FERMT2: variants seen among roughly 807,000 people sequenced by gnomAD.
FERMT2 encodes the protein FERM domain containing kindlin 2.
FERMT2 carries 15 observed loss-of-function variants against 82.7 expected under a neutral mutation model. That is an observed-to-expected ratio of 0.18 (90% CI 0.12 to 0.28). The LOEUF is 0.28. FERMT2 is among the 10% of genes least tolerant of loss of function. The pLI is 1.00. For synonymous variants in FERMT2, 274 were observed against 271.5 expected, an observed-to-expected ratio of 1.01 and a Z score of -0.09; for missense variants, 645 against 809.4, an observed-to-expected ratio of 0.80 and a Z score of 2.46.
chr14:52,863,987 A>G (rs1234381724), intron 12 of FERMT2, among the ~76,000 whole-genome samples: 1 of 151,250 alleles, frequency 6.6e-6, no homozygotes, highest in Non-Finnish European at 1.5e-5. Context: ...TATCTGTTCT[A>G]TTAAAATGAT....
chr14:52,890,171 G>A (rs1272502226), intron 4 of FERMT2, among the ~76,000 whole-genome samples: 18 of 151,304 alleles, frequency 1.2e-4, no homozygotes, highest in African/African-American at 3.9e-4. Context: ...GGTGGCTCAC[G>A]CCTGTAATCC....
chr14:52,893,910 C>T (rs2139549690), intron 3 of FERMT2, among the ~76,000 whole-genome samples: 1 of 151,836 alleles, frequency 6.6e-6, no homozygotes, highest in African/African-American at 2.4e-5. Context: ...CTCGCCACAA[C>T]CTCCACCTCC....
intron 7 of FERMT2, among the ~76,000 whole-genome samples, chr14:52,876,007 ATAGT>A (rs1182844403): frequency 2.6e-5 from 4 of 152,192 alleles, no homozygotes; most frequent in Non-Finnish European, 4.4e-5. Context: ...TGGATACAGA[ATAGT>A]TACTGATTTT....
chr14:52,938,725 C>G (rs1889960590), intron 2 of FERMT2, among the ~76,000 whole-genome samples: 1 of 152,100 alleles, frequency 6.6e-6, no homozygotes, highest in Non-Finnish European at 1.5e-5. Flanking sequence ...AACCACCACA[C>G]CCAGCTAATT....
chr14:52,917,715 T>A (rs138202009), intron 3 of FERMT2, among the ~76,000 whole-genome samples: 2,825 of 151,922 alleles, frequency 0.019, 57 homozygotes, highest in Non-Finnish European at 0.023. Context: ...AGTAAGAGGG[T>A]AAATAATGAG....
intron 10 of FERMT2, among the ~76,000 whole-genome samples, chr14:52,865,704 G>A (rs1246963014): frequency 2.0e-5 from 3 of 152,116 alleles, no homozygotes; most frequent in Non-Finnish European, 4.4e-5. Context: ...ATTGTTAGTA[G>A]GGCTTGCTTT....
intron 2 of FERMT2, among the ~76,000 whole-genome samples, chr14:52,939,359 T>A (rs113848408): frequency 0.018 from 2,497 of 135,898 alleles, 61 homozygotes; most frequent in African/African-American, 0.063. Flanking sequence ...GGCGACAGAG[T>A]GAGACTACGG....
At chr14:52,877,693 T>G (rs918213959) in intron 7 of FERMT2, among the ~76,000 whole-genome samples, 1 of 145,180 alleles carries the variant, frequency 6.9e-6, no homozygotes, top group African/African-American at 2.5e-5. Flanking sequence ...TTTGGAAGAC[T>G]GAGAGCATTT....
intron 2 of FERMT2, among the ~76,000 whole-genome samples, chr14:52,925,652 C>A (rs1000705244): frequency 1.3e-5 from 2 of 148,796 alleles, no homozygotes; most frequent in South Asian, 2.1e-4. Context: ...ACTCTTTTTT[C>A]GTTTGAGATG....
At chr14:52,868,633 T>C (rs1885432875) in intron 10 of FERMT2, among the ~76,000 whole-genome samples, 1 of 152,154 alleles carries the variant, frequency 6.6e-6, no homozygotes, top group Non-Finnish European at 1.5e-5. Flanking sequence ...GCATCCAGTC[T>C]AACACTCTCA....
chr14:52,909,730 G>C (rs1452266409), intron 3 of FERMT2, among the ~76,000 whole-genome samples: 1 of 152,054 alleles, frequency 6.6e-6, no homozygotes, highest in Non-Finnish European at 1.5e-5. Flanking sequence ...GGAGGCTGCA[G>C]TACAAAAAAG....
intron 2 of FERMT2, 65 bp from the exon 3 acceptor site, chr14:52,919,421 G>T: frequency 8.5e-7 from 1 of 1,183,058 alleles, no homozygotes; most frequent in Non-Finnish European, 1.2e-6. Flanking sequence ...GAAATTAAAA[G>T]CAGAAAACTA....
chr14:52,859,773 CTT>C (rs1884789161), intron 13 of FERMT2, 59 bp from the exon 14 acceptor site: 2 of 1,054,186 alleles, frequency 1.9e-6, no homozygotes, highest in Non-Finnish European at 2.7e-6. Flanking sequence ...TGTTGGACTG[CTT>C]TTCTTCAAGA....
intron 2 of FERMT2, among the ~76,000 whole-genome samples, chr14:52,945,314 G>C (rs763880209): frequency 6.6e-6 from 1 of 151,584 alleles, no homozygotes; most frequent in Admixed American, 6.6e-5. Context: ...GCAGTGGTGT[G>C]ATCTCAGCTC....
At chr14:52,928,540 A>G (rs931971299) in intron 2 of FERMT2, 3 of 152,282 alleles carry the variant, frequency 2.0e-5, no homozygotes, top group African/African-American at 7.2e-5. Flanking sequence ...TTTTCAGGCT[A>G]CTTGCTCATA....
At chr14:52,937,525 G>T (rs764174115) in intron 2 of FERMT2, among the ~76,000 whole-genome samples, 3 of 152,096 alleles carry the variant, frequency 2.0e-5, no homozygotes, top group South Asian at 4.1e-4. Flanking sequence ...CTGTCTTCCT[G>T]TATTCAAGGG....
At chr14:52,892,330 T>G (rs962386024) in intron 4 of FERMT2, among the ~76,000 whole-genome samples, 2 of 151,918 alleles carry the variant, frequency 1.3e-5, no homozygotes, top group South Asian at 2.1e-4. Context: ...TTAGTCAAGA[T>G]GGGGTTTCAC....
Position 52,864,784 on chromosome 14 carries a change from G to A in FERMT2, c.1343C>T (p.Ala448Val), listed in dbSNP as rs529341876. Reference protein sequence around the residue: ...KFNIKLLIPVAEGMNEIWLRC... With the variant: ...KFNIKLLIPVVEGMNEIWLRC... ...AAGCCAGATTTCATTCATGCCTTCT[G>A]CAACTGGAATCAGGAGTTTAATGTT... The change falls in exon 11 of 15, where the codon GCA becomes GTA. Residue 448 changes from alanine to valine, a missense_variant. Ala to Val is a moderately conservative substitution (Grantham distance 64). Transcript: ENST00000341590. 13 of 1,612,650 alleles carry A rather than the reference G, an allele frequency of 8.1e-6. No homozygotes were observed. In the South Asian group the frequency reaches 1.3e-4, roughly 16 times the overall value.
rs111655300 is a variant in FERMT2 at position 52,909,533 on chromosome 14, A to C, written c.391+9590T>G. Among the ~76,000 whole-genome samples, 799 of 152,332 alleles carry C rather than the reference A, an allele frequency of 5.2e-3. 8 individuals carry two copies. Among genetic ancestry groups the C allele is most frequent in the African/African-American group, 0.018 (744 of 41,578 alleles). ...CTGGGCATGGTGGCTAATGCGTGTA[A>C]TCCCAGCACTTTGGGAGGCTGAGGC... On this transcript the variant is annotated intron_variant, in intron 3 of 14. Coordinates refer to ENST00000341590, the MANE Select transcript of FERMT2 (RefSeq NM_006832.3).
Sources: allele counts gnomAD v4.1 joint callset (sites outside exome capture counted in the v4.1 genomes callset), GRCh38; gene constraint gnomAD v4.1.1; transcripts MANE v1.5; gene names NCBI Gene and HGNC (gene_info 2026-07-23, HGNC 2026-07-21).